Variants in TAOK1 observed in about 807,000 individuals in gnomAD.
The protein encoded by TAOK1 is serine/threonine-protein kinase TAO1.
A neutral mutation model predicts 138.3 loss-of-function variants in TAOK1; 21 were observed. The ratio of observed to expected loss-of-function variants is 0.15; its 90% CI spans 0.11 to 0.22. The LOEUF (loss-of-function observed/expected upper bound fraction) is 0.22. Ranked by LOEUF, TAOK1 falls within the 10% of genes least tolerant of loss-of-function variation. The pLI is 1.00. For missense variants in TAOK1, 651 were observed against 1,227.7 expected (o/e 0.53, Z 7.02); for synonymous variants, 361 against 398.4 (o/e 0.91, Z 1.12).
At chr17:29,516,801 CCT>C (rs889257137) in intron 15 of TAOK1, among the ~76,000 whole-genome samples, 18 of 151,452 alleles carry the variant, frequency 1.2e-4, no homozygotes, top group African/African-American at 3.6e-4. Context: ...GCACCCGACC[CCT>C]GTTTTTTTTG....
intron 17 of TAOK1, among the ~76,000 whole-genome samples, chr17:29,529,598 G>C (rs2032069356): frequency 1.3e-5 from 2 of 152,190 alleles, no homozygotes; most frequent in African/African-American, 4.8e-5. Flanking sequence ...CAGGTGCAGT[G>C]GTTCACGCCT....
chr17:29,485,271 T>G (rs1448733614), intron 8 of TAOK1, among the ~76,000 whole-genome samples: 2 of 152,200 alleles, frequency 1.3e-5, no homozygotes, highest in African/African-American at 4.8e-5. Context: ...CCATTTTTAA[T>G]TACATAAATA....
At chr17:29,406,440 A>G (rs1904993068) in intron 1 of TAOK1, among the ~76,000 whole-genome samples, 1 of 152,166 alleles carries the variant, frequency 6.6e-6, no homozygotes. Flanking sequence ...ATTACTGATC[A>G]TATGTGGCTA....
intron 12 of TAOK1, among the ~76,000 whole-genome samples, chr17:29,502,215 C>T (rs539845698): frequency 6.6e-6 from 1 of 152,322 alleles, no homozygotes; most frequent in South Asian, 2.1e-4. Flanking sequence ...GGGAGGATTG[C>T]TTGAGCCCAG....
intron 15 of TAOK1, 112 bp downstream of exon 15, chr17:29,511,104 C>G: frequency 1.0e-6 from 1 of 955,624 alleles, no homozygotes; most frequent in South Asian, 2.5e-5. Flanking sequence ...TTTATGGTCA[C>G]TAAATGGGTA....
chr17:29,496,156 A>G (rs978020823), intron 11 of TAOK1, among the ~76,000 whole-genome samples: 9 of 152,054 alleles, frequency 5.9e-5, no homozygotes, highest in Non-Finnish European at 1.3e-4. Context: ...GTTGGAGTGC[A>G]ATGACATGAT....
chr17:29,477,652 T>C lies in TAOK1; in HGVS notation c.307-9T>C, dbSNP rs966809120. The C allele has an allele frequency of 4.4e-6, 6 of 1,362,424 alleles. No individual in the cohort carries two copies. In the African/African-American group the frequency reaches 6.0e-5, roughly 14 times the overall value. The allele number at this position is 1,362,424 out of a possible 1,614,324, so 84.4% of individuals were successfully genotyped here. ...TATATTTTAATGCTTTTATAACTTT[T>C]CCATGTAGCTTGTAATGGAATATTG... On this transcript the variant is annotated splice_polypyrimidine_tract_variant and intron_variant, in intron 4 of 19. Transcript: ENST00000261716.
At chr17:29,542,537 C>G in intron 19 of TAOK1, 24 bp from the exon 20 acceptor site, 1 of 1,534,432 alleles carries the variant, frequency 6.5e-7, no homozygotes. Flanking sequence ...AATTGGCTTT[C>G]ATTTTTCTTC....
intron 8 of TAOK1, among the ~76,000 whole-genome samples, chr17:29,485,791 A>G (rs980005937): frequency 5.3e-5 from 8 of 152,220 alleles, no homozygotes; most frequent in Non-Finnish European, 1.2e-4. Context: ...ATATAATTTG[A>G]ACTCTTTCTC....
At chr17:29,404,184 T>A (rs1392400536) in intron 1 of TAOK1, 1 of 152,068 alleles carries the variant, frequency 6.6e-6, no homozygotes, top group South Asian at 2.1e-4. Context: ...CTTACTCTTT[T>A]AAGAACCTGT....
rs1194436666 is a variant in TAOK1, at chr17:29,550,994, CTTTT to C, written c.*7975_*7978del. The C allele has an allele frequency of 2.9e-5, 4 of 137,436 alleles. No homozygotes were observed. Among genetic ancestry groups the C allele is most frequent in the Admixed American group, 7.6e-5 (1 of 13,116 alleles). 8.5% of individuals were successfully genotyped at this position (137,436 alleles called of 1,614,324 possible). On this transcript the variant is annotated 3_prime_UTR_variant, in exon 20 of 20. Transcript: ENST00000261716. ...AAAAAGAAAATGCTTCAGTCAATTG[CTTTT>C]TTATTTAAAAAAAAAAAGAAAAAAA...
intron 1 of TAOK1, among the ~76,000 whole-genome samples, chr17:29,450,509 A>AGTTTT (rs775414149): frequency 7.3e-5 from 11 of 151,508 alleles, no homozygotes; most frequent in East Asian, 5.9e-4. Context: ...TATGACATCC[A>AGTTTT]GTTTTGTTTT....
intron 1 of TAOK1, among the ~76,000 whole-genome samples, chr17:29,423,715 G>A (rs894055352): frequency 2.0e-4 from 30 of 151,538 alleles, no homozygotes; most frequent in Admixed American, 1.3e-3. Context: ...CTGTGTGGTC[G>A]GAAAACATAC....
chr17:29,421,943 G>A (rs1342174073), intron 1 of TAOK1, among the ~76,000 whole-genome samples: 1 of 152,194 alleles, frequency 6.6e-6, no homozygotes, highest in African/African-American at 2.4e-5. Context: ...TGTCACCCAG[G>A]CTGGAGTGCA....
chr17:29,517,400 G>C, intron 15 of TAOK1, 53 bp from the exon 16 acceptor site: 2 of 1,575,238 alleles, frequency 1.3e-6, no homozygotes, highest in Admixed American at 3.4e-5. Flanking sequence ...GATTACAGGC[G>C]TGAGCCACCG....
At chr17:29,533,149 T>C (rs1029110937) in intron 18 of TAOK1, among the ~76,000 whole-genome samples, 19 of 144,300 alleles carry the variant, frequency 1.3e-4, no homozygotes, top group African/African-American at 4.7e-4. Context: ...GAGACGCTCC[T>C]CACCTCCCAG....
intron 8 of TAOK1, among the ~76,000 whole-genome samples, chr17:29,489,082 T>G (rs1333856158): frequency 1.3e-5 from 2 of 152,198 alleles, no homozygotes; most frequent in Admixed American, 6.5e-5. Flanking sequence ...ATGACCTGAT[T>G]TAATGGATGT....
intron 18 of TAOK1, among the ~76,000 whole-genome samples, chr17:29,532,978 G>A (rs1402502899): frequency 1.8e-5 from 1 of 54,366 alleles, no homozygotes; most frequent in Non-Finnish European, 3.5e-5. Context: ...CGGGTGGCCG[G>A]GCAGGGGGCT....
chr17:29,474,153 A>C (rs1440588830), intron 3 of TAOK1, among the ~76,000 whole-genome samples: 1 of 152,196 alleles, frequency 6.6e-6, no homozygotes, highest in African/African-American at 2.4e-5. Flanking sequence ...TTGTAGAGTT[A>C]AAGAGAGTTA....
Sources: allele counts gnomAD v4.1 joint callset (sites outside exome capture counted in the v4.1 genomes callset), GRCh38; gene constraint gnomAD v4.1.1; transcripts MANE v1.5; gene names NCBI Gene and HGNC (gene_info 2026-07-23, HGNC 2026-07-21).